CSAD: variants seen among roughly 807,000 people sequenced by gnomAD.
The protein encoded by CSAD is P-selectin cytoplasmic tail-associated protein.
CSAD carries 47 observed loss-of-function variants against 61.5 expected under a neutral mutation model. The ratio of observed to expected loss-of-function variants is 0.76; its 90% CI spans 0.60 to 0.97. CSAD has a LOEUF of 0.97. Ranked by LOEUF, CSAD falls within the 50% of genes least tolerant of loss-of-function variation. The pLI, the probability that CSAD is intolerant of heterozygous loss-of-function variation, is 0.00. For synonymous variants in CSAD, 245 were observed against 252.7 expected (o/e 0.97, Z 0.29); for missense variants, 611 against 643.6 (o/e 0.95, Z 0.55).
rs774704531 is a variant in CSAD, at chr12:53,160,255, T to A, written c.1031A>T (p.Asp344Val). The A allele has an allele frequency of 1.9e-6, 3 of 1,614,236 alleles. No homozygotes were observed. The South Asian group carries it at 3.3e-5, about 18-fold the overall frequency. The change falls in exon 14 of 17, where the codon GAT becomes GTT. Residue 344 changes from aspartate (D) to valine (V), a missense_variant. Asp to Val is a radical substitution (Grantham distance 152). Transcript: ENST00000444623. ...SYLFQQDKFY[D>V]VALDTGDKVV... ...CTTGTCTCCCGTGTCCAGAGCCACA[T>A]CGTAGAACTTGTCCTGCTGGAAAAG... is the stretch of plus-strand genomic sequence containing the variant.
chr12:53,179,782 A>T, intron 1 of CSAD: 1 of 1,613,168 alleles, frequency 6.2e-7, no homozygotes, highest in Non-Finnish European at 8.5e-7. Flanking sequence ...CCTACAGCAG[A>T]AATGAGGACT....
At chr12:53,179,741 T>C (rs756265685) in intron 1 of CSAD, 1 of 1,528,312 alleles carries the variant, frequency 6.5e-7, no homozygotes, top group Non-Finnish European at 9.0e-7. Flanking sequence ...GGTATCACCA[T>C]TACTTCTCCT....
intron 8 of CSAD, 48 bp from the exon 9 acceptor site, chr12:53,170,550 G>A (rs780023146): frequency 2.8e-6 from 4 of 1,453,984 alleles, no homozygotes; most frequent in Non-Finnish European, 3.9e-6. Flanking sequence ...ATGGGGGAGG[G>A]GAGAGAAGGT....
chr12:53,181,043 C>G, upstream of CSAD: 5 of 877,722 alleles, frequency 5.7e-6, no homozygotes, highest in Non-Finnish European at 7.1e-6. Flanking sequence ...GTCCCCGGCC[C>G]GGGAGAGGGC....
chr12:53,161,364 G>C lies in CSAD; in HGVS notation c.728C>G (p.Ala243Gly). 6.2e-7 allele frequency: 1 copy of C among 1,613,908 alleles called. No homozygotes were observed. The highest frequency in any genetic ancestry group is 2.2e-5 in the East Asian group (1 of 44,856). ...AEGAVPFLVSATSGTTVLGAF... is the reference protein window; with the variant it reads ...AEGAVPFLVSGTSGTTVLGAF... The stretch of plus-strand genomic sequence containing the variant: ...CCCTAGCACAGTGGTGCCAGAGGTG[G>C]CACTGACCAGGAACGGCACAGCACC... Residue 243 changes from alanine (A) to glycine (G), a missense_variant, in exon 11 of 17, where the codon GCC (alanine) becomes GGC (glycine). Physicochemically the swap from Ala to Gly is moderately conservative, Grantham distance 60. Coordinates refer to ENST00000444623, the MANE Select transcript of CSAD (RefSeq NM_001244705.2).
chr12:53,181,212 G>A, upstream of CSAD: 1 of 985,482 alleles, frequency 1.0e-6, no homozygotes, highest in Non-Finnish European at 1.2e-6. Context: ...CACCTCCGCA[G>A]CAAGTTTCCC....
chr12:53,181,222 C>T, upstream of CSAD: 7 of 985,456 alleles, frequency 7.1e-6, no homozygotes, highest in Non-Finnish European at 8.4e-6. Context: ...GCAAGTTTCC[C>T]TACCTTCGGG....
chr12:53,171,643 T>C (rs1377441895), intron 7 of CSAD: 5 of 632,896 alleles, frequency 7.9e-6, no homozygotes, highest in Non-Finnish European at 1.1e-5. Flanking sequence ...CATCTGGGGC[T>C]GCCCCCAAGA....
chr12:53,181,268 G>C, upstream of CSAD: 1 of 985,436 alleles, frequency 1.0e-6, no homozygotes, highest in Admixed American at 6.1e-5. Flanking sequence ...GGCACTGCCA[G>C]TCCCGTTTCT....
chr12:53,176,582 G>A (rs1454681957), intron 2 of CSAD, among the ~76,000 whole-genome samples: 1 of 151,804 alleles, frequency 6.6e-6, no homozygotes, highest in African/African-American at 2.4e-5. Context: ...AGCCCGGCAT[G>A]GTGGTGGGCA....
intron 5 of CSAD, 34 bp from the exon 6 acceptor site, chr12:53,172,470 T>C: frequency 6.2e-7 from 1 of 1,613,402 alleles, no homozygotes; most frequent in Non-Finnish European, 8.5e-7. Flanking sequence ...GAGCTCAGAG[T>C]AGAGCTCAGG....
In CSAD at chr12:53,170,498, T is replaced by G. The variant is rs1394355007; in HGVS notation, c.572A>C (p.His191Pro). Reference protein sequence around the residue: ...PLALFTSKECHYSIQKGAAFL... With the variant: ...PLALFTSKECPYSIQKGAAFL... The stretch of plus-strand genomic sequence containing the variant: ...CGCAGCTCCCTTCTGGATGGAGTAG[T>G]GACACTGTGGGGGAAGGCAGAGGGC... Residue 191 changes from histidine to proline, a missense_variant, in exon 9 of 17, where the codon CAC becomes CCC. Transcript: ENST00000444623. 6.2e-7 allele frequency: 1 copy of G among 1,613,700 alleles called. No homozygotes were observed. Among genetic ancestry groups the G allele is most frequent in the South Asian group, 1.1e-5 (1 of 91,066 alleles).
At chr12:53,158,790 G>T in intron 16 of CSAD, 106 bp from the exon 17 acceptor site, 1 of 1,062,830 alleles carries the variant, frequency 9.4e-7, no homozygotes, top group Non-Finnish European at 1.4e-6. Context: ...TTCCCACCCA[G>T]CCACCTTCTG....
At chr12:53,180,621 C>T in intron 1 of CSAD, 111 bp downstream of exon 1, 1 of 1,283,810 alleles carries the variant, frequency 7.8e-7, no homozygotes, top group Non-Finnish European at 1.0e-6. Context: ...GCTGCCCCCG[C>T]TAGTCTAGCT....
upstream of CSAD, chr12:53,180,998 C>T (rs1592379175): frequency 3.6e-6 from 3 of 829,990 alleles, no homozygotes; most frequent in Non-Finnish European, 4.6e-6. Context: ...AAAGGCCGTG[C>T]GCGCACACCG....
intron 4 of CSAD, 46 bp downstream of exon 4, chr12:53,173,299 A>T: frequency 6.5e-7 from 1 of 1,535,560 alleles, no homozygotes; most frequent in Non-Finnish European, 8.9e-7. Flanking sequence ...AAGAGAAAAG[A>T]AAAGAAAGAA....
chr12:53,172,787 G>A, intron 4 of CSAD, 139 bp from the exon 5 acceptor site: 1 of 996,496 alleles, frequency 1.0e-6, no homozygotes, highest in Non-Finnish European at 1.4e-6. Flanking sequence ...CTCTGAAAAT[G>A]AACAAGAGTA....
intron 1 of CSAD, chr12:53,180,372 A>G: frequency 1.0e-6 from 1 of 985,332 alleles, no homozygotes; most frequent in Middle Eastern, 5.2e-4. Flanking sequence ...AAGAGTGACG[A>G]TGATTTTTCA....
intron 2 of CSAD, among the ~76,000 whole-genome samples, chr12:53,176,965 A>C (rs997622102): frequency 2.6e-5 from 4 of 152,074 alleles, no homozygotes; most frequent in African/African-American, 4.8e-5. Context: ...TCTTGGCTTC[A>C]AGCAATCCTC....
Sources: gnomAD v4.1 joint callset for allele counts (sites outside exome capture counted in the v4.1 genomes callset) on GRCh38, gnomAD v4.1.1 for gene constraint, MANE v1.5 for transcripts, NCBI Gene and HGNC (gene_info 2026-07-23, HGNC 2026-07-21) for gene names.